The following CPEB4 variants were observed in gnomAD, a reference collection of about 807,000 sequenced individuals.
CPEB4 encodes the protein cytoplasmic polyadenylation element binding protein 4, also known as cytoplasmic polyadenylation element-binding protein 4.
A neutral mutation model predicts 72.5 loss-of-function variants in CPEB4; 12 were observed. That is an observed-to-expected ratio of 0.17 (90% CI 0.11 to 0.27). CPEB4 has a LOEUF of 0.27. Ranked by LOEUF, CPEB4 falls within the 10% of genes least tolerant of loss-of-function variation. The pLI is 1.00. For missense variants in CPEB4, 614 were observed against 908.5 expected (o/e 0.68, Z 4.17); for synonymous variants, 302 against 326.3 (o/e 0.93, Z 0.80).
At chr5:173,902,255 A>G (rs1484024669) in intron 1 of CPEB4, among the ~76,000 whole-genome samples, 3 of 152,298 alleles carry the variant, frequency 2.0e-5, no homozygotes, top group African/African-American at 7.2e-5. Flanking sequence ...TACCAGGGAA[A>G]GTTTAAGCCA....
chr5:173,917,554 C>T (rs1403985842), intron 2 of CPEB4, among the ~76,000 whole-genome samples: 1 of 152,128 alleles, frequency 6.6e-6, no homozygotes, highest in African/African-American at 2.4e-5. Context: ...TGGTGAAACC[C>T]GTCTCTACTA....
intron 4 of CPEB4, among the ~76,000 whole-genome samples, chr5:173,944,027 G>C (rs1435040294): frequency 2.0e-5 from 3 of 152,102 alleles, no homozygotes; most frequent in Admixed American, 6.6e-5. Flanking sequence ...TTTGCTGTCA[G>C]GTAAATATGG....
intron 4 of CPEB4, among the ~76,000 whole-genome samples, chr5:173,944,474 CAAAA>C (rs5873401): frequency 4.2e-5 from 5 of 118,542 alleles, no homozygotes; most frequent in Non-Finnish European, 3.5e-5. Context: ...GACACTGTCT[CAAAA>C]AAAAAAAAAA....
intron 1 of CPEB4, chr5:173,893,235 G>A (rs1755881213): frequency 6.6e-6 from 1 of 152,048 alleles, no homozygotes. Flanking sequence ...AGTTCTTTTT[G>A]CTTTTTAAAA....
chr5:173,908,619 CAT>C (rs749383696), intron 1 of CPEB4, among the ~76,000 whole-genome samples: 6 of 152,072 alleles, frequency 3.9e-5, no homozygotes, highest in Non-Finnish European at 5.9e-5. Context: ...GCAGAAGAAT[CAT>C]GTGGGGTAAG....
rs765198580 is a variant in CPEB4, at chr5:173,889,863, T to G, written c.130T>G (p.Phe44Val). The G allele has an allele frequency of 6.2e-7, 1 of 1,614,200 alleles. No individual in the cohort carries two copies. Among genetic ancestry groups the G allele is most frequent in the Admixed American group, 1.7e-5 (1 of 60,014 alleles). The change falls in exon 1 of 10, where the codon TTT (phenylalanine) becomes GTT (valine). Residue 44 changes from phenylalanine to valine, a missense_variant. Phe to Val is a conservative substitution (Grantham distance 50). Coordinates refer to ENST00000265085, the MANE Select transcript of CPEB4 (RefSeq NM_030627.4). Reference protein sequence around the residue: ...HQNATPSPAAFINNNTAANGS... With the variant: ...HQNATPSPAAVINNNTAANGS... ...AAATGCCACCCCCAGCCCTGCTGCT[T>G]TTATAAATAATAACACAGCTGCCAA... is the stretch of plus-strand genomic sequence containing the variant.
chr5:173,941,999 C>T (rs1443374855), intron 3 of CPEB4, among the ~76,000 whole-genome samples: 1 of 152,256 alleles, frequency 6.6e-6, no homozygotes, highest in Non-Finnish European at 1.5e-5. Context: ...GCGTGTAACG[C>T]TGTTGAGCCT....
At chr5:173,912,571 ATAAAG>A (rs1482149966) in intron 2 of CPEB4, among the ~76,000 whole-genome samples, 1 of 151,788 alleles carries the variant, frequency 6.6e-6, no homozygotes, top group African/African-American at 2.4e-5. Context: ...TCTCTATATA[ATAAAG>A]TAATTTGAAA....
At chr5:173,942,924 A>G (rs1757897243) in intron 3 of CPEB4, 102 bp from the exon 4 acceptor site, 4 of 1,224,510 alleles carry the variant, frequency 3.3e-6, no homozygotes, top group Admixed American at 4.4e-5. Flanking sequence ...CAGTTTTTCC[A>G]TTTTCAAAAG....
intron 5 of CPEB4, among the ~76,000 whole-genome samples, chr5:173,948,144 A>G (rs553955092): frequency 5.9e-5 from 9 of 152,328 alleles, no homozygotes; most frequent in African/African-American, 1.9e-4. Flanking sequence ...ACAGATGGAA[A>G]ACTCTTCTAC....
intron 2 of CPEB4, among the ~76,000 whole-genome samples, chr5:173,916,612 A>T (rs1206229978): frequency 6.6e-6 from 1 of 152,136 alleles, no homozygotes; most frequent in African/African-American, 2.4e-5. Flanking sequence ...TTCTTGCTTT[A>T]TCTACGTGTT....
chr5:173,903,544 G>A (rs1206941872), intron 1 of CPEB4, among the ~76,000 whole-genome samples: 1 of 152,198 alleles, frequency 6.6e-6, no homozygotes, highest in Non-Finnish European at 1.5e-5. Context: ...AGACTGTGGG[G>A]ATGGACCCAG....
intron 2 of CPEB4, chr5:173,910,832 G>T (rs963511316): frequency 1.6e-5 from 7 of 451,236 alleles, no homozygotes; most frequent in Admixed American, 8.0e-5. Flanking sequence ...AGTACTAATT[G>T]CCAAGAATGG....
At position 173,920,448 on chromosome 5, in the gene CPEB4, T is replaced by C. The variant is rs867915183; in HGVS notation, c.1207+9844T>C. On this transcript the variant is annotated intron_variant, in intron 2 of 9. Coordinates refer to ENST00000265085, the MANE Select transcript of CPEB4 (RefSeq NM_030627.4). ...TGGCTATAATATTCCAAATAATAAA[T>C]GTCTGGCATGGTTGACTAAATAGAG... Among the ~76,000 whole-genome samples the C allele has an allele frequency of 9.2e-5, 14 of 152,360 alleles. No individual in the cohort carries two copies. In the South Asian group the frequency reaches 2.9e-3, roughly 32 times the overall value.
At chr5:173,909,927 G>A (rs190529546) in intron 1 of CPEB4, among the ~76,000 whole-genome samples, 240 of 151,812 alleles carry the variant, frequency 1.6e-3, no homozygotes, top group Non-Finnish European at 2.6e-3. Flanking sequence ...TTGAACCCGG[G>A]AGGCAGAGGT....
intron 3 of CPEB4, among the ~76,000 whole-genome samples, chr5:173,936,699 T>G (rs1343424415): frequency 1.3e-5 from 2 of 152,208 alleles, no homozygotes; most frequent in Non-Finnish European, 1.5e-5. Flanking sequence ...GTATCTTGGC[T>G]TAGCTCTGAG....
intron 8 of CPEB4, among the ~76,000 whole-genome samples, chr5:173,952,400 T>A (rs1189668906): frequency 1.3e-5 from 2 of 152,228 alleles, no homozygotes; most frequent in Non-Finnish European, 2.9e-5. Flanking sequence ...CTCTGGGATA[T>A]AATAGACTTC....
At chr5:173,915,003 C>T (rs923294083) in intron 2 of CPEB4, among the ~76,000 whole-genome samples, 2 of 152,082 alleles carry the variant, frequency 1.3e-5, no homozygotes, top group Non-Finnish European at 2.9e-5. Flanking sequence ...AAAATTGCTA[C>T]GGGAACTACC....
At chr5:173,917,487 G>A (rs946500752) in intron 2 of CPEB4, among the ~76,000 whole-genome samples, 1 of 152,170 alleles carries the variant, frequency 6.6e-6, no homozygotes, top group South Asian at 2.1e-4. Context: ...TAATCCCAGG[G>A]CTTTGGGAGG....
Sources: gnomAD v4.1 joint callset for allele counts (sites outside exome capture counted in the v4.1 genomes callset) on GRCh38, gnomAD v4.1.1 for gene constraint, MANE v1.5 for transcripts, NCBI Gene and HGNC (gene_info 2026-07-23, HGNC 2026-07-21) for gene names.